ATP11A: variants seen among roughly 807,000 people sequenced by gnomAD.
ATP11A encodes phospholipid-transporting ATPase IH.
In ATP11A, 81 loss-of-function variants were observed where a neutral mutation model predicts 154.4. The ratio of observed to expected loss-of-function variants is 0.52; its 90% CI spans 0.44 to 0.63. The LOEUF (loss-of-function observed/expected upper bound fraction) is 0.63, where lower values mean the gene tolerates loss of function less well. Among genes scored for constraint, ATP11A ranks in the 30% least tolerant of loss-of-function variants. The pLI is 0.00. For missense variants in ATP11A, 1,316 were observed against 1,474.3 expected (o/e 0.89, Z 1.76); for synonymous variants, 623 against 585.9 (o/e 1.06, Z -0.91).
At chr13:112,873,492 C>G (rs555268303) in intron 26 of ATP11A, 81 bp from the exon 27 acceptor site, 5 of 1,092,830 alleles carry the variant, frequency 4.6e-6, no homozygotes, top group African/African-American at 1.6e-5. Flanking sequence ...CTCGTCACCC[C>G]CCGGCTCTCT....
intron 25 of ATP11A, among the ~76,000 whole-genome samples, chr13:112,863,565 A>C (rs542614441): frequency 8.0e-3 from 1,189 of 148,482 alleles, no homozygotes; most frequent in African/African-American, 0.028. Context: ...ATCCATCACC[A>C]CATGGGCAGT....
At chr13:112,845,915 G>A (rs1414067056) in intron 17 of ATP11A, among the ~76,000 whole-genome samples, 2 of 152,164 alleles carry the variant, frequency 1.3e-5, no homozygotes, top group African/African-American at 2.4e-5. Context: ...TCTTTCTACG[G>A]ATGGACCAGT....
chr13:112,774,497 C>T (rs928786225), intron 1 of ATP11A, among the ~76,000 whole-genome samples: 1 of 152,192 alleles, frequency 6.6e-6, no homozygotes, highest in African/African-American at 2.4e-5. Flanking sequence ...ATCAGGGACT[C>T]TCAGGGGAGG....
At chr13:112,764,891 T>G (rs1329576122) in intron 1 of ATP11A, among the ~76,000 whole-genome samples, 1 of 152,130 alleles carries the variant, frequency 6.6e-6, no homozygotes, top group Non-Finnish European at 1.5e-5. Flanking sequence ...CCAACCTCTT[T>G]CCTTAGCTCA....
intron 1 of ATP11A, among the ~76,000 whole-genome samples, chr13:112,711,219 T>A (rs1262569098): frequency 1.3e-5 from 2 of 152,140 alleles, no homozygotes; most frequent in Non-Finnish European, 2.9e-5. Flanking sequence ...ATGCTGAAAT[T>A]TAGAAGGTAG....
intron 2 of ATP11A, among the ~76,000 whole-genome samples, chr13:112,788,036 G>GGA (rs2077705277): frequency 1.3e-5 from 2 of 149,010 alleles, no homozygotes; most frequent in African/African-American, 4.9e-5. Context: ...TTCACACCAA[G>GGA]TGTCCTGATG....
At chr13:112,691,456 T>C (rs1161702877) in intron 1 of ATP11A, among the ~76,000 whole-genome samples, 2 of 130,938 alleles carry the variant, frequency 1.5e-5, no homozygotes, top group Non-Finnish European at 3.1e-5. Flanking sequence ...AGAGCGAGAC[T>C]CTGTATCAAA....
intron 12 of ATP11A, among the ~76,000 whole-genome samples, chr13:112,830,174 G>T (rs1472568953): frequency 2.0e-5 from 3 of 152,246 alleles, no homozygotes; most frequent in Middle Eastern, 3.4e-3. Flanking sequence ...CACTTTCATG[G>T]TCATGTTTCC....
chr13:112,866,748 T>C (rs2080347476), intron 25 of ATP11A, among the ~76,000 whole-genome samples: 1 of 110,306 alleles, frequency 9.1e-6, no homozygotes, highest in Non-Finnish European at 2.0e-5. Context: ...AAAGTCCTGC[T>C]ATGTGTCCTG....
At chr13:112,830,777 C>T (rs373128403) in intron 12 of ATP11A, among the ~76,000 whole-genome samples, 341 of 152,250 alleles carry the variant, frequency 2.2e-3, no homozygotes, top group African/African-American at 7.8e-3. Context: ...CAGTTATTCA[C>T]GATAAACGTG....
Position 112,690,143 on chromosome 13 carries a change from G to A in ATP11A, c.-274G>A, listed in dbSNP as rs1305249506. Among the ~76,000 whole-genome samples, 1 of 148,306 alleles carries A rather than the reference G, an allele frequency of 6.7e-6. No individual in the cohort carries two copies. Among genetic ancestry groups the A allele is most frequent in the African/African-American group, 2.4e-5 (1 of 41,036 alleles). On this transcript the variant is annotated 5_prime_UTR_variant, in exon 1 of 30. Transcript: ENST00000375645. This position sits in a 1 kb window ranked among gnomAD's most constrained non-coding sequence, Gnocchi z 5.6. Reference sequence around the variant, plus strand: ...CCCAACCGAGCGGGCGGACCGACGGGGAGAGAGAAGGCGCCAGAGCGCGCG... The same window carrying A: ...CCCAACCGAGCGGGCGGACCGACGGAGAGAGAGAAGGCGCCAGAGCGCGCG...
chr13:112,855,262 A>C (rs928824706), intron 19 of ATP11A, among the ~76,000 whole-genome samples: 1 of 152,148 alleles, frequency 6.6e-6, no homozygotes, highest in Non-Finnish European at 1.5e-5. Flanking sequence ...GCTGGAGTGC[A>C]GTGATCTTGG....
At chr13:112,855,344 A>G (rs961002878) in intron 19 of ATP11A, among the ~76,000 whole-genome samples, 1 of 152,164 alleles carries the variant, frequency 6.6e-6, no homozygotes, top group African/African-American at 2.4e-5. Context: ...TGGGATTAAA[A>G]GCGCTCACCT....
intron 28 of ATP11A, 112 bp from the exon 29 acceptor site, chr13:112,878,105 T>C (rs1594260547): frequency 1.0e-6 from 1 of 1,003,960 alleles, no homozygotes; most frequent in Non-Finnish European, 1.6e-6. Context: ...CTCAGCTCTG[T>C]CTCTTGTTTC....
At chr13:112,710,241 C>T (rs543257760) in intron 1 of ATP11A, among the ~76,000 whole-genome samples, 2 of 152,322 alleles carry the variant, frequency 1.3e-5, no homozygotes, top group African/African-American at 4.8e-5. Flanking sequence ...CTTGGGGGCC[C>T]TTTGGAAAGG....
At chr13:112,848,068 G>A (rs577584432) in intron 17 of ATP11A, among the ~76,000 whole-genome samples, 2 of 152,302 alleles carry the variant, frequency 1.3e-5, no homozygotes, top group South Asian at 4.1e-4. Flanking sequence ...GTTTCCACGG[G>A]CAACTGAGTA....
At chr13:112,873,868 C>T (rs1030086057) in intron 27 of ATP11A, among the ~76,000 whole-genome samples, 192 bp downstream of exon 27, 8 of 152,066 alleles carry the variant, frequency 5.3e-5, no homozygotes, top group African/African-American at 7.3e-5. Context: ...GTTCCTGCTC[C>T]GGTGACTTGC....
intron 1 of ATP11A, among the ~76,000 whole-genome samples, chr13:112,738,531 C>A (rs1001185482): frequency 6.6e-6 from 1 of 152,176 alleles, no homozygotes; most frequent in Non-Finnish European, 1.5e-5. Flanking sequence ...TTGCTTGTTT[C>A]TTCTCACCAG....
chr13:112,712,306 C>T (rs1887853446), intron 1 of ATP11A, among the ~76,000 whole-genome samples: 1 of 152,202 alleles, frequency 6.6e-6, no homozygotes, highest in South Asian at 2.1e-4. Flanking sequence ...AACGCTCCCT[C>T]CATGGTTAGA....
Sources: allele counts gnomAD v4.1 joint callset (sites outside exome capture counted in the v4.1 genomes callset), GRCh38; gene constraint gnomAD v4.1.1; non-coding constraint Gnocchi (gnomAD v3.1); transcripts MANE v1.5; gene names NCBI Gene and HGNC (gene_info 2026-07-23, HGNC 2026-07-21).